The following PARD3B variants were observed in gnomAD, a reference collection of about 807,000 sequenced individuals.
PARD3B encodes par-3 family cell polarity regulator beta.
Under a neutral mutation model 130.2 loss-of-function variants are expected in PARD3B, and 103 were observed. That is an observed-to-expected ratio of 0.79 (90% CI 0.67 to 0.93). The LOEUF is 0.93. Ranked by LOEUF, PARD3B falls within the 40% of genes least tolerant of loss-of-function variation. The pLI, the probability that PARD3B is intolerant of heterozygous loss-of-function variation, is 0.00. For synonymous variants in PARD3B, 583 were observed against 553.2 expected, an observed-to-expected ratio of 1.05 and a Z score of -0.76; for missense variants, 1,609 against 1,499.2, an observed-to-expected ratio of 1.07 and a Z score of -1.21.
chr2:204,705,498 G>A (rs1480948721), intron 2 of PARD3B, among the ~76,000 whole-genome samples: 1 of 149,766 alleles, frequency 6.7e-6, no homozygotes, highest in Admixed American at 6.6e-5. Context: ...AATTAGTCAT[G>A]TAAGAATTTA....
At chr2:205,453,258 G>A (rs180777141) in intron 20 of PARD3B, among the ~76,000 whole-genome samples, 1 of 152,258 alleles carries the variant, frequency 6.6e-6, no homozygotes, top group Admixed American at 6.5e-5. Flanking sequence ...GAAACTGAGT[G>A]GGTATAAGGG....
chr2:205,241,229 G>A lies in PARD3B; in HGVS notation c.2141-4549G>A, dbSNP rs577862807. On this transcript the variant is annotated intron_variant, in intron 15 of 22. Coordinates refer to ENST00000406610, the MANE Select transcript of PARD3B (RefSeq NM_001302769.2). The surrounding 1 kb of genome is among the most constrained non-coding windows in gnomAD (Gnocchi z 4.2). The stretch of plus-strand genomic sequence containing the variant: ...AATTAACAAGCATCCAAGCCAAAGA[G>A]TGTCCTCTTTATTAAGCACCTTATG... Among the ~76,000 whole-genome samples the A allele has an allele frequency of 6.6e-6, 1 of 152,248 alleles. No homozygotes were observed. The highest frequency in any genetic ancestry group is 2.1e-4 in the South Asian group (1 of 4,828).
chr2:204,845,670 T>C (rs1378585319), intron 2 of PARD3B, among the ~76,000 whole-genome samples: 1 of 152,080 alleles, frequency 6.6e-6, no homozygotes, highest in Admixed American at 6.6e-5. Context: ...GAACCTTACA[T>C]AGGAGACCCC....
Position 205,001,094 on chromosome 2 carries a change from T to G in PARD3B, c.394+35771T>G, listed in dbSNP as rs375366674. Among the ~76,000 whole-genome samples, 19 of 152,206 alleles carry G rather than the reference T, an allele frequency of 1.2e-4. 3 individuals are homozygous for G. Among genetic ancestry groups the G allele is most frequent in the Admixed American group, 1.0e-3 (16 of 15,288 alleles). On this transcript the variant is annotated intron_variant, in intron 3 of 22. Coordinates refer to ENST00000406610, the MANE Select transcript of PARD3B (RefSeq NM_001302769.2). ...ACCTCTGCCTCCCAGGTTCAAGTGA[T>G]TCTCCTGCCTCAGCCTCCCTAGTAG...
At chr2:205,097,455 A>G (rs1306872343) in intron 4 of PARD3B, among the ~76,000 whole-genome samples, 1 of 152,152 alleles carries the variant, frequency 6.6e-6, no homozygotes, top group Non-Finnish European at 1.5e-5. Flanking sequence ...AACTGGCTTC[A>G]CTCATCAACA....
intron 10 of PARD3B, among the ~76,000 whole-genome samples, chr2:205,132,899 T>G (rs2032139618): frequency 6.6e-6 from 1 of 152,162 alleles, no homozygotes; most frequent in Non-Finnish European, 1.5e-5. Context: ...TAGAGCATAG[T>G]GTATGCTCAG....
At chr2:205,289,702 C>G (rs1375403627) in intron 16 of PARD3B, among the ~76,000 whole-genome samples, 2 of 152,096 alleles carry the variant, frequency 1.3e-5, no homozygotes, top group African/African-American at 4.8e-5. Context: ...CACCATTAAC[C>G]CATTCATAAA....
chr2:205,586,771 T>C (rs1438172161), intron 22 of PARD3B, among the ~76,000 whole-genome samples: 1 of 152,174 alleles, frequency 6.6e-6, no homozygotes, highest in Non-Finnish European at 1.5e-5. Flanking sequence ...GGAGACAATT[T>C]AGCACTGACA....
At position 205,477,364 on chromosome 2, in the gene PARD3B, C is replaced by T. The variant is rs111681570; in HGVS notation, c.3045-22532C>T. On this transcript the variant is annotated intron_variant, in intron 20 of 22. Transcript: ENST00000406610. ...CTCCTGAATTTTTTATAGACTCTCT[C>T]CCTTTGCCACTCTAGTTGCTGTCTC... is the stretch of plus-strand genomic sequence containing the variant. 8.8e-3 allele frequency among the ~76,000 whole-genome samples: 1,333 copies of T among 152,224 alleles called. 15 individuals carry two copies. The highest frequency in any genetic ancestry group is 0.028 in the African/African-American group (1,156 of 41,516).
intron 1 of PARD3B, among the ~76,000 whole-genome samples, chr2:204,651,268 A>G (rs562933400): frequency 2.0e-5 from 3 of 152,338 alleles, no homozygotes; most frequent in Admixed American, 2.0e-4. Flanking sequence ...AATCAAAAGC[A>G]AGTTAAGTTA....
chr2:205,259,611 T>C (rs2040224689), intron 16 of PARD3B, among the ~76,000 whole-genome samples: 1 of 152,184 alleles, frequency 6.6e-6, no homozygotes, highest in Non-Finnish European at 1.5e-5. Context: ...TTTTTATCAC[T>C]TCTGGGATAT....
At position 205,360,257 on chromosome 2, in the gene PARD3B, T is replaced by C. The variant is rs546930236; in HGVS notation, c.2631-40756T>C. 6.8e-4 allele frequency among the ~76,000 whole-genome samples: 62 copies of C among 91,502 alleles called. 1 individual carries two copies. In the Admixed American group the frequency reaches 8.9e-3, roughly 13 times the overall value. 60.0% of individuals were successfully genotyped at this position (91,502 alleles called of 152,430 possible). A position where few individuals can be genotyped will look rare whatever the true frequency, so the allele number is the denominator to read the frequency against. ...GTCATTTTTGTTGGATTTCTTGTTTTTTCTTTTGTTTTTTTCCTTTTCATT... is the reference window on the plus strand; with the variant it reads ...GTCATTTTTGTTGGATTTCTTGTTTCTTCTTTTGTTTTTTTCCTTTTCATT... On this transcript the variant is annotated intron_variant, in intron 18 of 22. Coordinates refer to ENST00000406610, the MANE Select transcript of PARD3B (RefSeq NM_001302769.2).
intron 3 of PARD3B, among the ~76,000 whole-genome samples, chr2:205,045,645 T>A (rs545455246): frequency 1.4e-4 from 21 of 152,130 alleles, no homozygotes; most frequent in Non-Finnish European, 2.4e-4. Context: ...TAGGCATGTG[T>A]CTTTAAATTT....
chr2:205,177,915 T>C (rs764561348), intron 13 of PARD3B, among the ~76,000 whole-genome samples: 4 of 152,090 alleles, frequency 2.6e-5, no homozygotes, highest in Non-Finnish European at 5.9e-5. Context: ...CCTGTCTCCC[T>C]GTCCTCAGTT....
rs570796410 is a variant in PARD3B at position 204,789,467 on chromosome 2, G to A, written c.222+103185G>A. On this transcript the variant is annotated intron_variant, in intron 2 of 22. Transcript: ENST00000406610. ...TGTCAACCACAATGTAGCAAAAATT[G>A]GAAGATGTTTTATATTTATTTAAAA... 5.9e-5 allele frequency among the ~76,000 whole-genome samples: 9 copies of A among 152,254 alleles called. No homozygotes were observed. The South Asian group carries it at 1.9e-3, about 32-fold the overall frequency.
intron 18 of PARD3B, among the ~76,000 whole-genome samples, chr2:205,358,597 C>T (rs1559698456): frequency 1.3e-5 from 2 of 152,326 alleles, no homozygotes; most frequent in South Asian, 2.1e-4. Flanking sequence ...TCTAAACATA[C>T]GCTAACAATT....
intron 1 of PARD3B, among the ~76,000 whole-genome samples, chr2:204,608,731 C>G (rs1235889252): frequency 4.6e-5 from 7 of 152,160 alleles, no homozygotes; most frequent in Admixed American, 1.3e-4. Flanking sequence ...CTGTTACTCC[C>G]CCTCCTCCCT....
intron 20 of PARD3B, among the ~76,000 whole-genome samples, chr2:205,465,592 G>A (rs546436016): frequency 3.9e-5 from 6 of 152,130 alleles, no homozygotes; most frequent in Non-Finnish European, 7.3e-5. Flanking sequence ...CCAGGTCAAC[G>A]GCAGCTCTTG....
chr2:204,636,731 T>C (rs2034893425), intron 1 of PARD3B, among the ~76,000 whole-genome samples: 1 of 152,040 alleles, frequency 6.6e-6, no homozygotes, highest in Non-Finnish European at 1.5e-5. Context: ...CTAGCTTTTT[T>C]TATACTTAGG....
Sources: gnomAD v4.1 joint callset for allele counts (sites outside exome capture counted in the v4.1 genomes callset) on GRCh38, gnomAD v4.1.1 for gene constraint, Gnocchi (gnomAD v3.1) non-coding constraint, MANE v1.5 for transcripts, NCBI Gene and HGNC (gene_info 2026-07-23, HGNC 2026-07-21) for gene names.